The following SGCZ variants were observed in gnomAD, a reference collection of about 807,000 sequenced individuals.
SGCZ encodes the protein sarcoglycan zeta.
In SGCZ, 40 loss-of-function variants were observed where a neutral mutation model predicts 41.3. The observed-to-expected ratio is 0.97, with a 90% CI of 0.75 to 1.26. SGCZ has a LOEUF of 1.26. SGCZ is among the 50% of genes most tolerant of loss of function. The probability of loss-of-function intolerance (pLI) is 0.00; values close to 1 mark genes in which losing one functional copy is unlikely to be tolerated. For missense variants in SGCZ, 552 were observed against 369.8 expected (o/e 1.49, Z -4.04); for synonymous variants, 206 against 137.5 (o/e 1.50, Z -3.49).
intron 2 of SGCZ, among the ~76,000 whole-genome samples, chr8:14,541,279 G>T (rs186762445): frequency 2.6e-5 from 4 of 151,774 alleles, no homozygotes; most frequent in African/African-American, 9.7e-5. Context: ...TTAGGTATTT[G>T]TCCTAATGCT....
At chr8:14,757,144 G>C (rs1799702725) in intron 1 of SGCZ, among the ~76,000 whole-genome samples, 1 of 152,104 alleles carries the variant, frequency 6.6e-6, no homozygotes, top group Non-Finnish European at 1.5e-5. Context: ...AGCCTACCAG[G>C]TTCAAGCATT....
intron 1 of SGCZ, among the ~76,000 whole-genome samples, chr8:14,995,507 T>C (rs557331051): frequency 2.0e-4 from 30 of 152,300 alleles, no homozygotes; most frequent in South Asian, 6.2e-4. Context: ...TAGGACCACA[T>C]CTAGAGAGCT....
chr8:14,998,195 A>G (rs1237592631), intron 1 of SGCZ, among the ~76,000 whole-genome samples: 1 of 152,230 alleles, frequency 6.6e-6, no homozygotes, highest in Non-Finnish European at 1.5e-5. Flanking sequence ...AACGAAAAAG[A>G]AGTAAACATC....
intron 1 of SGCZ, among the ~76,000 whole-genome samples, chr8:14,938,504 T>C (rs906860645): frequency 2.0e-5 from 3 of 152,200 alleles, no homozygotes; most frequent in Admixed American, 6.5e-5. Flanking sequence ...TAAAATTTTC[T>C]TTTTACTAGC....
chr8:14,778,279 A>T (rs2252607), intron 1 of SGCZ, among the ~76,000 whole-genome samples: 2,878 of 152,272 alleles, frequency 0.019, 57 homozygotes, highest in Middle Eastern at 0.044. Context: ...TACAGAATTA[A>T]GGTGAAAAAC....
chr8:14,937,513 T>C (rs1284197027), intron 1 of SGCZ, among the ~76,000 whole-genome samples: 1 of 152,058 alleles, frequency 6.6e-6, no homozygotes, highest in Admixed American at 6.6e-5. Context: ...TACAACTCAT[T>C]TTATCAAGTT....
chr8:14,199,638 C>G (rs1805390942), intron 4 of SGCZ, among the ~76,000 whole-genome samples: 1 of 152,074 alleles, frequency 6.6e-6, no homozygotes, highest in South Asian at 2.1e-4. Context: ...GGACACGCAG[C>G]TTTAAAATTT....
chr8:14,449,635 G>A (rs73517499), intron 2 of SGCZ, among the ~76,000 whole-genome samples: 2,609 of 152,216 alleles, frequency 0.017, 89 homozygotes, highest in African/African-American at 0.06. Flanking sequence ...CTCATAGGAA[G>A]CCTTGTAAGT....
At chr8:14,748,435 A>G (rs1799401861) in intron 1 of SGCZ, among the ~76,000 whole-genome samples, 1 of 152,186 alleles carries the variant, frequency 6.6e-6, no homozygotes, top group Admixed American at 6.5e-5. Flanking sequence ...AAATTGGACC[A>G]AAATCTTCGA....
At chr8:14,122,121 C>T (rs541924943) in intron 5 of SGCZ, among the ~76,000 whole-genome samples, 83 of 152,118 alleles carry the variant, frequency 5.5e-4, no homozygotes, top group African/African-American at 2.0e-3. Flanking sequence ...ACTAAAAATA[C>T]AAAAAAATAG....
intron 4 of SGCZ, among the ~76,000 whole-genome samples, chr8:14,221,395 T>C (rs1233712171): frequency 6.6e-6 from 1 of 152,186 alleles, no homozygotes; most frequent in African/African-American, 2.4e-5. Flanking sequence ...GGAGAGGCAA[T>C]TGTTGTTTTT....
At chr8:14,570,143 G>A (rs140459030) in intron 1 of SGCZ, among the ~76,000 whole-genome samples, 3 of 152,190 alleles carry the variant, frequency 2.0e-5, no homozygotes, top group Non-Finnish European at 4.4e-5. Context: ...TGAAGACCGG[G>A]ACTTTGGGGT....
At chr8:14,383,107 G>T (rs1804431287) in intron 2 of SGCZ, among the ~76,000 whole-genome samples, 1 of 152,086 alleles carries the variant, frequency 6.6e-6, no homozygotes, top group South Asian at 2.1e-4. Context: ...GTTGGGTCTG[G>T]CCCAGCCATT....
chr8:14,117,649 T>C (rs1391350889), intron 5 of SGCZ, among the ~76,000 whole-genome samples: 2 of 151,848 alleles, frequency 1.3e-5, no homozygotes, highest in South Asian at 2.1e-4. Context: ...GTTTGTTACA[T>C]AGGTATACGT....
chr8:14,984,883 G>C (rs947531184), intron 1 of SGCZ, among the ~76,000 whole-genome samples: 1 of 152,078 alleles, frequency 6.6e-6, no homozygotes, highest in African/African-American at 2.4e-5. Flanking sequence ...AGTTGACACA[G>C]AGATTTTGAT....
intron 1 of SGCZ, among the ~76,000 whole-genome samples, chr8:14,932,216 CA>C (rs1799941246): frequency 6.6e-6 from 1 of 151,714 alleles, no homozygotes; most frequent in Non-Finnish European, 1.5e-5. Context: ...CATATGTTAA[CA>C]AATTATAAAG....
chr8:14,968,688 T>C (rs1397452046), intron 1 of SGCZ, among the ~76,000 whole-genome samples: 1 of 152,080 alleles, frequency 6.6e-6, no homozygotes, highest in African/African-American at 2.4e-5. Flanking sequence ...TAAATACAGC[T>C]ACCTTGAGAA....
intron 1 of SGCZ, among the ~76,000 whole-genome samples, chr8:15,204,663 C>G (rs776171184): frequency 2.6e-5 from 4 of 152,180 alleles, no homozygotes; most frequent in Non-Finnish European, 4.4e-5. Context: ...AGACTCATCT[C>G]AAGTCCTGCC....
chr8:14,108,699 C>T (rs1802283563), intron 5 of SGCZ, among the ~76,000 whole-genome samples: 1 of 151,984 alleles, frequency 6.6e-6, no homozygotes, highest in Non-Finnish European at 1.5e-5. Flanking sequence ...GACACAGAGC[C>T]AAACCGTATC....
Sources: gnomAD v4.1 joint callset for allele counts (sites outside exome capture counted in the v4.1 genomes callset) on GRCh38, gnomAD v4.1.1 for gene constraint, MANE v1.5 for transcripts, NCBI Gene and HGNC (gene_info 2026-07-23, HGNC 2026-07-21) for gene names.